ZNF469: variants seen among roughly 807,000 people sequenced by gnomAD.
ZNF469 encodes the protein zinc finger protein 469.
Under a neutral mutation model 1.0 loss-of-function variants are expected in ZNF469, and 1 was observed. The observed-to-expected ratio is 1.00, with a 90% confidence interval of 0.35 to 4.73. ZNF469 has a LOEUF of 4.73. ZNF469 is among the 30% of genes most tolerant of loss of function. The pLI is 0.16. For missense variants in ZNF469, 6,100 were observed against 5,356.3 expected, an observed-to-expected ratio of 1.14 and a Z score of -4.33; for synonymous variants, 2,703 against 2,363.4, an observed-to-expected ratio of 1.14 and a Z score of -4.17.
the ZNF469 span, among the ~76,000 whole-genome samples, chr16:88,236,356 G>A: frequency 6.6e-6 from 1 of 152,252 alleles, no homozygotes; most frequent in East Asian, 1.9e-4. Flanking sequence ...GTTGGAATTT[G>A]GTGTCTTATT....
At chr16:88,194,795 A>G in the ZNF469 span, 1 of 152,202 alleles carries the variant, frequency 6.6e-6, no homozygotes, top group African/African-American at 2.4e-5. Flanking sequence ...TTCTGTCTTT[A>G]AAAGGCAGCA....
chr16:88,128,388 G>A, the ZNF469 span, among the ~76,000 whole-genome samples: 6 of 152,294 alleles, frequency 3.9e-5, no homozygotes, highest in Middle Eastern at 3.4e-3. Flanking sequence ...TTTAAAATAT[G>A]AAAATGATGT....
chr16:88,436,419 G>A lies in ZNF469; in HGVS notation c.8949G>A (p.Arg2983=), dbSNP rs540837720. Residue 2983 remains arginine (R), a synonymous_variant, in exon 3 of 3, where the codon CGG becomes CGA. Transcript: ENST00000565624. The part of the protein sequence containing the change: ...KLPSHCPEDD[R]PEAIPELHMV... ...CCTCCCACTGCCCCGAGGACGATCG[G>A]CCGGAGGCCATTCCTGAGCTGCACA... The A allele has an allele frequency of 6.5e-7, 1 of 1,548,964 alleles. No homozygotes were observed. Among genetic ancestry groups the A allele is most frequent in the African/African-American group, 1.4e-5 (1 of 73,178 alleles).
At position 88,429,567 on chromosome 16, in the gene ZNF469, G is replaced by C. The variant is rs1905980243; in HGVS notation, c.2097G>C (p.Arg699=). The C allele has an allele frequency of 6.5e-7, 1 of 1,549,956 alleles. No homozygotes were observed. Among genetic ancestry groups the C allele is most frequent in the Non-Finnish European group, 8.7e-7 (1 of 1,146,854 alleles). The change falls in exon 3 of 3, where the codon CGG becomes CGC. Residue 699 remains arginine, a synonymous_variant. Coordinates refer to ENST00000565624, the MANE Select transcript of ZNF469 (RefSeq NM_001367624.2). ...PFPHEGPEVG[R]GGLQGFPRAP... ...CCCACGAGGGCCCCGAGGTGGGTCG[G>C]GGAGGGCTGCAGGGCTTCCCCCGTG...
Position 88,439,295 on chromosome 16 carries a change from G to C in ZNF469, c.11825G>C (p.Gly3942Ala), listed in dbSNP as rs1301590202. 3 of 1,550,306 alleles carry C rather than the reference G, an allele frequency of 1.9e-6. No individual in the cohort carries two copies. Among genetic ancestry groups the C allele is most frequent in the Non-Finnish European group, 2.6e-6 (3 of 1,147,000 alleles). Residue 3942 changes from glycine (G) to alanine (A), a missense_variant, in exon 3 of 3, where the codon GGC (glycine) becomes GCC (alanine). Coordinates refer to ENST00000565624, the MANE Select transcript of ZNF469 (RefSeq NM_001367624.2). ...CAGCTCTTCGGGCAGAGACTAACTGGCTTCAAAATCCCTTTAAAGAAAGAT... is the reference window on the plus strand; with the variant it reads ...CAGCTCTTCGGGCAGAGACTAACTGCCTTCAAAATCCCTTTAAAGAAAGAT... ...LSQLFGQRLT[G>A]FKIPLKKDAS...
At chr16:88,277,652 CGCTG>C in the ZNF469 span, among the ~76,000 whole-genome samples, 4 of 131,170 alleles carry the variant, frequency 3.0e-5, no homozygotes, top group Admixed American at 7.5e-5. Flanking sequence ...TGCTGTGCCA[CGCTG>C]ACACTCAGTC....
Position 88,439,431 on chromosome 16 carries a change from A to C in ZNF469, c.*99A>C. ...CCCTGAGATGGTCCACTCTGTGGCC[A>C]CTTGACTTCTTGTGCAACTGCTCAG... On this transcript the variant is annotated 3_prime_UTR_variant, in exon 3 of 3. Transcript: ENST00000565624. 1 of 1,345,030 alleles carries C rather than the reference A, an allele frequency of 7.4e-7. No individual in the cohort carries two copies. Among genetic ancestry groups the C allele is most frequent in the Non-Finnish European group, 1.0e-6 (1 of 964,586 alleles). The allele number at this position is 1,345,030 out of a possible 1,614,324, so 83.3% of individuals were successfully genotyped here. A position where few individuals can be genotyped will look rare whatever the true frequency, so the allele number is the denominator to read the frequency against.
the ZNF469 span, among the ~76,000 whole-genome samples, chr16:88,202,599 G>A: frequency 6.6e-6 from 1 of 152,202 alleles, no homozygotes; most frequent in African/African-American, 2.4e-5. Context: ...CTGGTCCAGG[G>A]CATCTCAGAA....
chr16:88,142,039 T>C, the ZNF469 span, among the ~76,000 whole-genome samples: 2 of 152,192 alleles, frequency 1.3e-5, no homozygotes, highest in Non-Finnish European at 2.9e-5. Context: ...AGATCTGAGC[T>C]GAGCTCGAGA....
chr16:88,192,603 C>G, the ZNF469 span, among the ~76,000 whole-genome samples: 1 of 152,252 alleles, frequency 6.6e-6, no homozygotes, highest in East Asian at 1.9e-4. Context: ...GGTCCACAGT[C>G]CAAGTCACAC....
the ZNF469 span, among the ~76,000 whole-genome samples, chr16:88,239,655 T>TG: frequency 1.3e-4 from 4 of 31,286 alleles, no homozygotes; most frequent in Admixed American, 5.7e-4. Context: ...GCCCGGCTTA[T>TG]TTTTTTTTTT....
At chr16:88,247,382 G>GAGTC in the ZNF469 span, among the ~76,000 whole-genome samples, 5 of 150,490 alleles carry the variant, frequency 3.3e-5, no homozygotes, top group Non-Finnish European at 5.9e-5. Context: ...GTGAGTGAAT[G>GAGTC]AATGAGTCAA....
the ZNF469 span, among the ~76,000 whole-genome samples, chr16:88,247,717 A>G: frequency 2.0e-5 from 3 of 151,686 alleles, no homozygotes; most frequent in African/African-American, 4.8e-5. Context: ...GAGTGAGTCA[A>G]TGAGCGAGTG....
At chr16:88,395,227 GTGGATGGGTAGATGGA>G (rs1421360330) in intron 1 of ZNF469, among the ~76,000 whole-genome samples, 4 of 137,556 alleles carry the variant, frequency 2.9e-5, no homozygotes, top group African/African-American at 1.1e-4. Context: ...GGATGGATGG[GTGGATGGGTAGATGGA>G]TGGATGGATG....
the ZNF469 span, among the ~76,000 whole-genome samples, chr16:88,226,208 A>G: frequency 6.6e-6 from 1 of 152,042 alleles, no homozygotes; most frequent in Non-Finnish European, 1.5e-5. Context: ...TTTTGGGTTG[A>G]ATTGTGTCCC....
chr16:88,279,382 T>C, the ZNF469 span, among the ~76,000 whole-genome samples: 5 of 138,880 alleles, frequency 3.6e-5, no homozygotes, highest in African/African-American at 1.1e-4. Context: ...AGTCAGTACC[T>C]TGTAGATATC....
chr16:88,203,433 G>A, the ZNF469 span, among the ~76,000 whole-genome samples: 1 of 152,182 alleles, frequency 6.6e-6, no homozygotes, highest in East Asian at 1.9e-4. Flanking sequence ...CAGCAGCCCA[G>A]GGAGCAGGGC....
rs1906883891 is a variant in ZNF469, at chr16:88,439,913, T to TC, written c.*584dup. On this transcript the variant is annotated 3_prime_UTR_variant, in exon 3 of 3. Transcript: ENST00000565624. ...CCTCTGACCACAGGGTCATGCCTCC[T>TC]CCCTCTGACCACAGGGTCATGCCAG... 5.9e-6 allele frequency: 1 copy of TC among 170,906 alleles called. No homozygotes were observed. Among genetic ancestry groups the TC allele is most frequent in the Admixed American group, 5.5e-5 (1 of 18,274 alleles). The allele number at this position is 170,906 out of a possible 1,614,324, so 10.6% of individuals were successfully genotyped here. A position where few individuals can be genotyped will look rare whatever the true frequency, so the allele number is the denominator to read the frequency against.
chr16:88,280,130 G>A, the ZNF469 span, among the ~76,000 whole-genome samples: 31 of 141,716 alleles, frequency 2.2e-4, 1 homozygote, highest in South Asian at 3.5e-3. Context: ...CCATGCTGAC[G>A]CTCGGTCAGT....
Sources: gnomAD v4.1 joint callset for allele counts (sites outside exome capture counted in the v4.1 genomes callset) on GRCh38, gnomAD v4.1.1 for gene constraint, MANE v1.5 for transcripts, NCBI Gene and HGNC (gene_info 2026-07-23, HGNC 2026-07-21) for gene names.